The following ZNF106 variants were observed in gnomAD, a reference collection of about 807,000 sequenced individuals.
ZNF106 encodes the protein SH3-domain binding protein 3.
In ZNF106, 67 loss-of-function variants were observed where a neutral mutation model predicts 195.1. The observed-to-expected ratio is 0.34, with a 90% confidence interval of 0.28 to 0.42. ZNF106 has a LOEUF of 0.42. Among genes scored for constraint, ZNF106 ranks in the 10% least tolerant of loss-of-function variants. The probability of loss-of-function intolerance (pLI) is 1.00; values close to 1 mark genes in which losing one functional copy is unlikely to be tolerated. For missense variants in ZNF106, 2,118 were observed against 2,304.5 expected (o/e 0.92, Z 1.66); for synonymous variants, 784 against 818.6 (o/e 0.96, Z 0.72).
intron 14 of ZNF106, among the ~76,000 whole-genome samples, chr15:42,434,831 T>C (rs2055212825): frequency 1.3e-5 from 2 of 150,910 alleles, no homozygotes; most frequent in South Asian, 2.1e-4. Flanking sequence ...TGGAGTGCAG[T>C]GGCACAATCT....
chr15:42,457,216 C>A (rs767651910), intron 3 of ZNF106, 58 bp from the exon 4 acceptor site: 17 of 1,612,788 alleles, frequency 1.1e-5, no homozygotes, highest in Admixed American at 1.7e-5. Flanking sequence ...GGCACACTCA[C>A]CAGATCTGTT....
intron 3 of ZNF106, among the ~76,000 whole-genome samples, chr15:42,461,907 C>T (rs982199201): frequency 6.6e-6 from 1 of 152,120 alleles, no homozygotes; most frequent in East Asian, 1.9e-4. Flanking sequence ...GTAAATGCTC[C>T]AAGTCCGTAA....
At chr15:42,471,221 A>G (rs536814527) in intron 2 of ZNF106, among the ~76,000 whole-genome samples, 3 of 152,264 alleles carry the variant, frequency 2.0e-5, no homozygotes, top group Admixed American at 1.3e-4. Context: ...TACTCTAGAC[A>G]CTTTTCAAAG....
intron 1 of ZNF106, among the ~76,000 whole-genome samples, chr15:42,473,107 A>C (rs1284639297): frequency 2.0e-5 from 3 of 152,142 alleles, no homozygotes; most frequent in Non-Finnish European, 4.4e-5. Flanking sequence ...CCAAAACCGG[A>C]AACTTTTTGG....
chr15:42,433,853 T>C (rs969330973), intron 14 of ZNF106, among the ~76,000 whole-genome samples: 4 of 152,068 alleles, frequency 2.6e-5, no homozygotes, highest in Admixed American at 2.6e-4. Context: ...TTTGGTTAAT[T>C]TTTATGCTTT....
chr15:42,458,491 T>C (rs532318498), intron 3 of ZNF106, among the ~76,000 whole-genome samples: 1 of 151,246 alleles, frequency 6.6e-6, no homozygotes, highest in African/African-American at 2.4e-5. Context: ...GGGCAGATCA[T>C]GAGGTCAGCA....
Position 42,472,279 on chromosome 15 carries a change from T to G in ZNF106, c.11A>C (p.Glu4Ala). The stretch of plus-strand genomic sequence containing the variant: ...GATGTGGCATAATATGCATTTTCGT[T>G]CTCGTACCATAGTGACCAGATCTGA... MVRERKCILCHIVY... is the reference protein window; with the variant it reads MVRARKCILCHIVY... Residue 4 changes from glutamate (E) to alanine (A), a missense_variant, in exon 2 of 22, where the codon GAA becomes GCA. Coordinates refer to ENST00000564754, the MANE Select transcript of ZNF106 (RefSeq NM_001366845.3). 1 of 1,535,954 alleles carries G rather than the reference T, an allele frequency of 6.5e-7. No homozygotes were observed. Among genetic ancestry groups the G allele is most frequent in the Non-Finnish European group, 8.7e-7 (1 of 1,146,812 alleles).
At position 42,448,171 on chromosome 15, in the gene ZNF106, C is replaced by T. The variant is rs3742996; in HGVS notation, c.3036G>A (p.Ala1012=). ...TGGCTGCATCCGCTAAACTGGAGAT[C>T]GCAAGGGCTGAGGATGCGCTTGATG... ...CLSSSASSAL[A]ISSLADAATD... The change falls in exon 6 of 22, where the codon GCG becomes GCA. Residue 1012 remains alanine (A), a synonymous_variant. Coordinates refer to ENST00000564754, the MANE Select transcript of ZNF106 (RefSeq NM_001366845.3). The T allele has an allele frequency of 0.03, 48,029 of 1,614,020 alleles. 2,868 individuals are homozygous for T. Among genetic ancestry groups the T allele is most frequent in the Admixed American group, 0.2 (11,797 of 59,988 alleles).
chr15:42,443,987 C>A (rs2055661455), intron 9 of ZNF106, among the ~76,000 whole-genome samples: 3 of 151,378 alleles, frequency 2.0e-5, no homozygotes, highest in Admixed American at 2.0e-4. Flanking sequence ...GGGGTGGGCA[C>A]CTGTAATTCC....
At chr15:42,447,921 C>G (rs563357080) in intron 6 of ZNF106, 151 bp downstream of exon 6, 6 of 884,314 alleles carry the variant, frequency 6.8e-6, no homozygotes, top group Admixed American at 2.5e-5. Context: ...TGTAAGAAAC[C>G]AGTAGGATGA....
chr15:42,439,857 G>A, intron 10 of ZNF106, 44 bp from the exon 11 acceptor site: 1 of 1,480,344 alleles, frequency 6.8e-7, no homozygotes. Flanking sequence ...TTTTGTGTTT[G>A]CTGCAATTTA....
chr15:42,449,979 T>G lies in ZNF106; in HGVS notation c.2293A>C (p.Thr765Pro). ...TTTGGCTCAGGAAGGTGTACTCCAG[T>G]TTTGCTCTTCAAACTAATGTGCCGG... ...LTRHISLKSKTGVHLPEPNLN... is the reference protein window; with the variant it reads ...LTRHISLKSKPGVHLPEPNLN... Residue 765 changes from threonine to proline, a missense_variant, in exon 5 of 22, where the codon ACT becomes CCT. Physicochemically the swap from Thr to Pro is conservative, Grantham distance 38 (BLOSUM62 -1). Coordinates refer to ENST00000564754, the MANE Select transcript of ZNF106 (RefSeq NM_001366845.3). 6.2e-7 allele frequency: 1 copy of G among 1,614,136 alleles called. No homozygotes were observed. Among genetic ancestry groups the G allele is most frequent in the South Asian group, 1.1e-5 (1 of 91,084 alleles).
rs866339081 is a variant in ZNF106, at chr15:42,457,058, C to T, written c.217G>A (p.Ala73Thr). The T allele has an allele frequency of 6.2e-7, 1 of 1,611,500 alleles. No individual in the cohort carries two copies. The highest frequency in any genetic ancestry group is 1.3e-5 in the African/African-American group (1 of 75,002). The part of the protein sequence containing the change: ...SGQLHKDNVD[A>T]QEREDDGKGE... Reference sequence around the variant, plus strand: ...TTTCCATCATCTTCTCTTTCCTGGGCATCAACGTTATCTTTGTGCAACTGG... The same window carrying T: ...TTTCCATCATCTTCTCTTTCCTGGGTATCAACGTTATCTTTGTGCAACTGG... The change falls in exon 4 of 22, where the codon GCC becomes ACC. Residue 73 changes from alanine (A) to threonine (T), a missense_variant. Transcript: ENST00000564754.
intron 17 of ZNF106, among the ~76,000 whole-genome samples, chr15:42,423,483 C>T (rs1461116946): frequency 6.6e-6 from 1 of 152,000 alleles, no homozygotes; most frequent in African/African-American, 2.4e-5. Context: ...GCCAAATAAT[C>T]CTCCCACCTC....
chr15:42,446,296 T>C (rs2055765713), intron 7 of ZNF106, among the ~76,000 whole-genome samples: 1 of 152,180 alleles, frequency 6.6e-6, no homozygotes, highest in South Asian at 2.1e-4. Context: ...AAGAACCTCT[T>C]GGGGCTGGGC....
At chr15:42,427,786 G>C (rs1287772738) in intron 15 of ZNF106, 3 of 356,746 alleles carry the variant, frequency 8.4e-6, no homozygotes, top group Middle Eastern at 8.3e-4. Context: ...CTTCAGACTT[G>C]GTTTAATTTA....
At position 42,438,632 on chromosome 15, in the gene ZNF106, T is replaced by C; in HGVS notation, c.4580A>G (p.Lys1527Arg). Reference protein sequence around the residue: ...AETQTVISSIKGSKNSSEISS... With the variant: ...AETQTVISSIRGSKNSSEISS... The stretch of plus-strand genomic sequence containing the variant: ...AATACCTGAAGAATTCTTTGATCCT[T>C]TTATGGAGGAGATCACAGTCTGAGT... Residue 1527 changes from lysine to arginine, a missense_variant, in exon 12 of 22, where the codon AAA (lysine) becomes AGA (arginine). Physicochemically the swap from Lys to Arg is conservative, Grantham distance 26. Coordinates refer to ENST00000564754, the MANE Select transcript of ZNF106 (RefSeq NM_001366845.3). 1 of 1,613,794 alleles carries C rather than the reference T, an allele frequency of 6.2e-7. No homozygotes were observed. Among genetic ancestry groups the C allele is most frequent in the Non-Finnish European group, 8.5e-7 (1 of 1,179,802 alleles).
intron 1 of ZNF106, among the ~76,000 whole-genome samples, chr15:42,482,522 GTTTTTT>G (rs905219332): frequency 2.4e-5 from 2 of 82,552 alleles, no homozygotes; most frequent in African/African-American, 5.7e-5. Flanking sequence ...GAAATCTCCA[GTTTTTT>G]TTTTTTTTTT....
intron 19 of ZNF106, 150 bp downstream of exon 19, chr15:42,421,767 T>C (rs2054665382): frequency 3.8e-6 from 2 of 520,762 alleles, no homozygotes; most frequent in Non-Finnish European, 6.5e-6. Flanking sequence ...TATTCAACAC[T>C]GTCCCCTGGT....
Sources: allele counts gnomAD v4.1 joint callset (sites outside exome capture counted in the v4.1 genomes callset), GRCh38; gene constraint gnomAD v4.1.1; transcripts MANE v1.5; gene names NCBI Gene and HGNC (gene_info 2026-07-23, HGNC 2026-07-21).